Variants in STX8 observed in about 807,000 individuals in gnomAD.
STX8 encodes syntaxin-8.
STX8 carries 23 observed loss-of-function variants against 37.5 expected under a neutral mutation model. That is an observed-to-expected ratio of 0.61 (90% CI 0.44 to 0.87). The LOEUF (loss-of-function observed/expected upper bound fraction) is 0.87. STX8 is among the 40% of genes least tolerant of loss of function. STX8 has a pLI of 0.00. For synonymous variants in STX8, 115 were observed against 99.1 expected (o/e 1.16, Z -0.95); for missense variants, 313 against 284.7 (o/e 1.10, Z -0.71).
intron 3 of STX8, 99 bp from the exon 4 acceptor site, chr17:9,545,381 A>C (rs962887428): frequency 1.2e-6 from 1 of 837,898 alleles, no homozygotes; most frequent in Non-Finnish European, 2.0e-6. Context: ...GCTTTTACAG[A>C]CTGTAATCAC....
chr17:9,446,216 A>C (rs894366403), intron 6 of STX8, among the ~76,000 whole-genome samples: 1 of 152,178 alleles, frequency 6.6e-6, no homozygotes. Flanking sequence ...TATTTTATTC[A>C]CCATGGTGTC....
intron 7 of STX8, among the ~76,000 whole-genome samples, chr17:9,339,163 G>A (rs931135895): frequency 5.9e-5 from 9 of 151,798 alleles, no homozygotes; most frequent in African/African-American, 1.5e-4. Flanking sequence ...GAGACCCAGA[G>A]CCATCCCAGA....
At chr17:9,343,199 T>C (rs763446628) in intron 7 of STX8, among the ~76,000 whole-genome samples, 9 of 152,112 alleles carry the variant, frequency 5.9e-5, no homozygotes, top group Admixed American at 1.3e-4. Context: ...GATTCTTCGA[T>C]ACGTAGCCTT....
At chr17:9,432,093 C>T (rs1304923746) in intron 6 of STX8, among the ~76,000 whole-genome samples, 2 of 151,810 alleles carry the variant, frequency 1.3e-5, no homozygotes, top group Admixed American at 6.6e-5. Context: ...TTCTAATGCT[C>T]GTTCTTGAAA....
chr17:9,394,431 G>A (rs2142308569), intron 6 of STX8, among the ~76,000 whole-genome samples: 1 of 151,362 alleles, frequency 6.6e-6, no homozygotes, highest in Middle Eastern at 3.4e-3. Context: ...AGGCTGGAGT[G>A]CAGTGACACC....
At chr17:9,392,069 C>T (rs575794814) in intron 6 of STX8, among the ~76,000 whole-genome samples, 1 of 152,186 alleles carries the variant, frequency 6.6e-6, no homozygotes, top group Non-Finnish European at 1.5e-5. Flanking sequence ...TTGAAAACTT[C>T]TTCAATGGTA....
chr17:9,326,950 G>A lies in STX8; in HGVS notation c.643+51602C>T, dbSNP rs145778117. Among the ~76,000 whole-genome samples, 316 of 152,188 alleles carry A rather than the reference G, an allele frequency of 2.1e-3. 4 individuals are homozygous for A. The highest frequency in any genetic ancestry group is 6.8e-3 in the African/African-American group (283 of 41,524). Reference sequence around the variant, plus strand: ...TGAGGCGGGCAGATCACCTGATGTCGGGAGTTCAAGACCAGCCTGACCAAC... The same window carrying A: ...TGAGGCGGGCAGATCACCTGATGTCAGGAGTTCAAGACCAGCCTGACCAAC... On this transcript the variant is annotated intron_variant, in intron 7 of 7. Coordinates refer to ENST00000306357, the MANE Select transcript of STX8 (RefSeq NM_004853.3).
chr17:9,539,947 T>C (rs1435441649), intron 4 of STX8, among the ~76,000 whole-genome samples: 1 of 152,150 alleles, frequency 6.6e-6, no homozygotes, highest in Non-Finnish European at 1.5e-5. Flanking sequence ...ACAATCGAAT[T>C]GTAATTGAAC....
intron 5 of STX8, among the ~76,000 whole-genome samples, chr17:9,500,009 T>C (rs1251531602): frequency 6.6e-6 from 1 of 152,222 alleles, no homozygotes; most frequent in Non-Finnish European, 1.5e-5. Flanking sequence ...AGCTATAAGG[T>C]GCTCCATTCA....
intron 6 of STX8, among the ~76,000 whole-genome samples, chr17:9,457,488 G>A (rs1045831893): frequency 6.6e-6 from 1 of 152,208 alleles, no homozygotes; most frequent in Non-Finnish European, 1.5e-5. Flanking sequence ...GGGCCCATCA[G>A]AGAATCCAAA....
At chr17:9,334,799 G>A (rs978145403) in intron 7 of STX8, among the ~76,000 whole-genome samples, 2 of 152,126 alleles carry the variant, frequency 1.3e-5, no homozygotes, top group African/African-American at 2.4e-5. Context: ...AGGCATAAAT[G>A]AGCACATAAG....
At chr17:9,425,347 G>A (rs1467173653) in intron 6 of STX8, among the ~76,000 whole-genome samples, 1 of 152,010 alleles carries the variant, frequency 6.6e-6, no homozygotes, top group Non-Finnish European at 1.5e-5. Context: ...TCCTGTCCAG[G>A]TTCATTCATT....
chr17:9,297,241 CAAAAAA>C (rs112089232), intron 7 of STX8, among the ~76,000 whole-genome samples: 1 of 90,892 alleles, frequency 1.1e-5, no homozygotes, highest in Middle Eastern at 6.2e-3. Flanking sequence ...CCAGAGTTTG[CAAAAAA>C]AAAAAAAAAA....
At chr17:9,270,658 G>A (rs911151862) in intron 7 of STX8, among the ~76,000 whole-genome samples, 9 of 152,162 alleles carry the variant, frequency 5.9e-5, no homozygotes, top group Admixed American at 1.3e-4. Flanking sequence ...TTAAAGAAAT[G>A]AATGAATGAG....
intron 7 of STX8, among the ~76,000 whole-genome samples, chr17:9,261,855 G>C (rs187764608): frequency 9.0e-4 from 137 of 152,302 alleles, no homozygotes; most frequent in Admixed American, 3.1e-3. Flanking sequence ...TCTGTCTGGA[G>C]TCTGGCAGAA....
chr17:9,349,729 GTCTC>G (rs71135969), intron 7 of STX8, among the ~76,000 whole-genome samples: 15,554 of 148,620 alleles, frequency 0.1, 832 homozygotes, highest in Middle Eastern at 0.19. Flanking sequence ...TGTGAATGTG[GTCTC>G]TCTCTCTCTC....
chr17:9,313,860 G>T (rs1909281204), intron 7 of STX8, among the ~76,000 whole-genome samples: 1 of 152,146 alleles, frequency 6.6e-6, no homozygotes, highest in Admixed American at 6.6e-5. Flanking sequence ...TCGATCTCCT[G>T]ACCTCGTGAT....
chr17:9,455,882 G>A (rs1905172913), intron 6 of STX8, among the ~76,000 whole-genome samples: 1 of 152,102 alleles, frequency 6.6e-6, no homozygotes, highest in Non-Finnish European at 1.5e-5. Context: ...TAAGGGGGAG[G>A]TACGCAACCA....
At chr17:9,415,090 C>A (rs868693802) in intron 6 of STX8, among the ~76,000 whole-genome samples, 1 of 152,070 alleles carries the variant, frequency 6.6e-6, no homozygotes, top group Non-Finnish European at 1.5e-5. Context: ...CACGCCCGGT[C>A]TGCCTGAGTT....
Sources: allele counts gnomAD v4.1 joint callset (sites outside exome capture counted in the v4.1 genomes callset), GRCh38; gene constraint gnomAD v4.1.1; transcripts MANE v1.5; gene names NCBI Gene and HGNC (gene_info 2026-07-23, HGNC 2026-07-21).